The following CNTN6 variants were observed in gnomAD, a reference collection of about 807,000 sequenced individuals.
CNTN6 encodes the protein contactin 6.
A neutral mutation model predicts 122.8 loss-of-function variants in CNTN6; 137 were observed. The observed-to-expected ratio is 1.12, with a 90% confidence interval of 0.97 to 1.29. CNTN6 has a LOEUF of 1.29. CNTN6 is among the 50% of genes most tolerant of loss of function. CNTN6 has a pLI of 0.00. For synonymous variants in CNTN6, 570 were observed against 426.0 expected, an observed-to-expected ratio of 1.34 and a Z score of -4.16; for missense variants, 1,634 against 1,223.4, an observed-to-expected ratio of 1.34 and a Z score of -5.01.
chr3:1,175,357 T>C (rs1231700065), intron 2 of CNTN6, among the ~76,000 whole-genome samples: 1 of 151,450 alleles, frequency 6.6e-6, no homozygotes, highest in Non-Finnish European at 1.5e-5. Flanking sequence ...ATTTTACCAA[T>C]GATTAGATAC....
chr3:1,127,004 A>G (rs1196910127), intron 1 of CNTN6, among the ~76,000 whole-genome samples: 4 of 151,782 alleles, frequency 2.6e-5, no homozygotes, highest in Admixed American at 6.6e-5. Flanking sequence ...TACATTATAT[A>G]CAAATACAAT....
chr3:1,374,684 G>A (rs998565920), intron 16 of CNTN6, among the ~76,000 whole-genome samples: 3 of 151,860 alleles, frequency 2.0e-5, no homozygotes, highest in African/African-American at 7.3e-5. Context: ...TTACATCCAG[G>A]GTGACATTTA....
At chr3:1,211,308 G>T (rs998905086) in intron 2 of CNTN6, among the ~76,000 whole-genome samples, 3 of 152,144 alleles carry the variant, frequency 2.0e-5, no homozygotes, top group Non-Finnish European at 4.4e-5. Flanking sequence ...GATTCAGGTA[G>T]AACCAAAAAT....
At chr3:1,202,507 C>T (rs896487387) in intron 2 of CNTN6, among the ~76,000 whole-genome samples, 4 of 150,544 alleles carry the variant, frequency 2.7e-5, no homozygotes, top group African/African-American at 7.5e-5. Context: ...CGCCACCGCC[C>T]TCCAGCCTGG....
At chr3:1,095,538 T>G (rs2090483575) in intron 1 of CNTN6, among the ~76,000 whole-genome samples, 1 of 152,138 alleles carries the variant, frequency 6.6e-6, no homozygotes, top group Non-Finnish European at 1.5e-5. Flanking sequence ...ATTTTAGATT[T>G]TAATTAAACT....
At position 1,141,399 on chromosome 3, in the gene CNTN6, G is replaced by A. The variant is rs190600389; in HGVS notation, c.-82-6528G>A. On this transcript the variant is annotated intron_variant, in intron 1 of 22. Coordinates refer to ENST00000446702, the MANE Select transcript of CNTN6 (RefSeq NM_001289080.2). ...GAGAACGAAGCCCGTGAGGAGTCAC[G>A]CACTTGCAACAATGATGTCCTGATA... Among the ~76,000 whole-genome samples, 10 of 152,238 alleles carry A rather than the reference G, an allele frequency of 6.6e-5. No homozygotes were observed. In the East Asian group the frequency reaches 7.7e-4, roughly 12 times the overall value.
At chr3:1,154,663 G>A (rs1186456197) in intron 2 of CNTN6, among the ~76,000 whole-genome samples, 4 of 151,792 alleles carry the variant, frequency 2.6e-5, no homozygotes, top group South Asian at 2.1e-4. Context: ...GACTGGTCTC[G>A]AACTCCCGAC....
intron 4 of CNTN6, among the ~76,000 whole-genome samples, chr3:1,250,892 G>T (rs1239751908): frequency 6.6e-6 from 1 of 152,042 alleles, no homozygotes; most frequent in Non-Finnish European, 1.5e-5. Flanking sequence ...TAGGGATAGA[G>T]TCGTCCCATC....
At chr3:1,244,062 A>T (rs1182789997) in intron 4 of CNTN6, among the ~76,000 whole-genome samples, 2 of 152,200 alleles carry the variant, frequency 1.3e-5, no homozygotes, top group Admixed American at 6.5e-5. Flanking sequence ...TAGGTCTTGT[A>T]GGATGGAGAA....
At chr3:1,359,851 A>T (rs1315473716) in intron 12 of CNTN6, among the ~76,000 whole-genome samples, 1 of 152,006 alleles carries the variant, frequency 6.6e-6, no homozygotes, top group Non-Finnish European at 1.5e-5. Flanking sequence ...TTTATTTCAG[A>T]GTATTAGCTT....
intron 4 of CNTN6, among the ~76,000 whole-genome samples, chr3:1,247,562 T>G (rs1308190631): frequency 6.6e-6 from 1 of 152,042 alleles, no homozygotes; most frequent in African/African-American, 2.4e-5. Context: ...ATTATGAAAA[T>G]TGAGCTTTAA....
At chr3:1,312,439 G>A (rs988844520) in intron 7 of CNTN6, among the ~76,000 whole-genome samples, 20 of 152,118 alleles carry the variant, frequency 1.3e-4, no homozygotes, top group Non-Finnish European at 2.1e-4. Flanking sequence ...GCAGTTTACA[G>A]TAGAGAAGGA....
At chr3:1,125,300 C>G (rs557081331) in intron 1 of CNTN6, among the ~76,000 whole-genome samples, 2 of 151,950 alleles carry the variant, frequency 1.3e-5, no homozygotes, top group East Asian at 3.9e-4. Context: ...AGACCCAAAG[C>G]TTTACAGTGT....
At chr3:1,394,168 C>T (rs1052453371) in intron 20 of CNTN6, 3 of 198,974 alleles carry the variant, frequency 1.5e-5, no homozygotes, top group Admixed American at 6.1e-5. Context: ...GAGAACTGCT[C>T]CTTGCTGCTG....
intron 11 of CNTN6, among the ~76,000 whole-genome samples, chr3:1,344,995 C>T (rs1343102628): frequency 6.6e-6 from 1 of 152,014 alleles, no homozygotes; most frequent in African/African-American, 2.4e-5. Flanking sequence ...TTCATTTTTA[C>T]TACATTGATG....
In CNTN6 at chr3:1,329,837, A is replaced by G. The variant is rs764351348; in HGVS notation, c.1266A>G (p.Gln422=). Residue 422 remains glutamine (Q), a synonymous_variant, in exon 11 of 23, where the codon CAA becomes CAG. Coordinates refer to ENST00000446702, the MANE Select transcript of CNTN6 (RefSeq NM_001289080.2). ...CAGTTAAAAAAAAGTCTTTTGTTCA[A>G]GTTGGTGGGGATATTGTTATCGGAT... ...KSPVKKKSFV[Q]VGGDIVIGCK... 4.3e-6 allele frequency: 7 copies of G among 1,610,520 alleles called. No individual in the cohort carries two copies. The highest frequency in any genetic ancestry group is 3.4e-5 in the Admixed American group (2 of 59,608).
intron 2 of CNTN6, among the ~76,000 whole-genome samples, chr3:1,161,715 G>A (rs1040222847): frequency 6.6e-6 from 1 of 151,086 alleles, no homozygotes; most frequent in Non-Finnish European, 1.5e-5. Flanking sequence ...ACAAGGTAGA[G>A]AAGTAAGTAC....
intron 7 of CNTN6, among the ~76,000 whole-genome samples, chr3:1,313,680 A>T (rs1699714025): frequency 6.6e-6 from 1 of 152,128 alleles, no homozygotes; most frequent in Admixed American, 6.6e-5. Flanking sequence ...CCCAAGGGAA[A>T]GCTGATATAG....
chr3:1,201,100 TG>T (rs2093862481), intron 2 of CNTN6, among the ~76,000 whole-genome samples: 1 of 3,008 alleles, frequency 3.3e-4, no homozygotes, highest in Admixed American at 4.2e-3. Flanking sequence ...GCTAACATTT[TG>T]TGTGTGTGTG....
Sources: gnomAD v4.1 joint callset for allele counts (sites outside exome capture counted in the v4.1 genomes callset) on GRCh38, gnomAD v4.1.1 for gene constraint, MANE v1.5 for transcripts, NCBI Gene and HGNC (gene_info 2026-07-23, HGNC 2026-07-21) for gene names.